CNTRL: variants seen among roughly 807,000 people sequenced by gnomAD.
CNTRL encodes the protein centriolin.
Under a neutral mutation model 303.7 loss-of-function variants are expected in CNTRL, and 233 were observed. That is an observed-to-expected ratio of 0.77 (90% CI 0.69 to 0.86). The LOEUF (loss-of-function observed/expected upper bound fraction) is 0.86, where lower values mean the gene tolerates loss of function less well. CNTRL is among the 40% of genes least tolerant of loss of function. The pLI is 0.00. For missense variants in CNTRL, 2,524 were observed against 2,650.6 expected (o/e 0.95, Z 1.05); for synonymous variants, 900 against 922.2 (o/e 0.98, Z 0.44).
chr9:121,129,070 A>G (rs1214668471), intron 14 of CNTRL, among the ~76,000 whole-genome samples: 1 of 152,224 alleles, frequency 6.6e-6, no homozygotes, highest in Admixed American at 6.5e-5. Context: ...AAAGTCAGGT[A>G]GCGTGATGCC....
In CNTRL at chr9:121,090,334, A is replaced by G. The variant is rs1272992369; in HGVS notation, c.277A>G (p.Lys93Glu). The G allele has an allele frequency of 6.2e-7, 1 of 1,612,644 alleles. No homozygotes were observed. The highest frequency in any genetic ancestry group is 1.3e-5 in the African/African-American group (1 of 74,878). Residue 93 changes from lysine (K) to glutamate (E), a missense_variant, in exon 4 of 44, where the codon AAA (lysine) becomes GAA (glutamate). Transcript: ENST00000373855. Reference protein sequence around the residue: ...ITEALIKKLTKQDNLALIKSL... With the variant: ...ITEALIKKLTEQDNLALIKSL... ...AGAGGCCCTCATTAAAAAACTTACT[A>G]AACAGGATAATTTGGCTTTGATAAA...
At chr9:121,128,333 C>T (rs943587289) in intron 14 of CNTRL, among the ~76,000 whole-genome samples, 1 of 152,150 alleles carries the variant, frequency 6.6e-6, no homozygotes, top group African/African-American at 2.4e-5. Context: ...TAATGATCAC[C>T]ATTCTAACTG....
chr9:121,155,043 C>T lies in CNTRL; in HGVS notation c.4365+130C>T. On this transcript the variant is annotated intron_variant, in intron 27 of 43. Coordinates refer to ENST00000373855, the MANE Select transcript of CNTRL (RefSeq NM_007018.6). ...CCAAGTCAGACAGCCAGGTTCCAGG[C>T]TGGACTCTGCTAGTTAAGAAGATGT... 3.9e-6 allele frequency: 3 copies of T among 763,464 alleles called. No individual in the cohort carries two copies. In the Admixed American group the frequency reaches 6.5e-5, roughly 16 times the overall value. 47.3% of individuals were successfully genotyped at this position (763,464 alleles called of 1,614,324 possible).
Position 121,092,763 on chromosome 9 carries a change from ATATATTATATATATC to A in CNTRL, c.349-2119_349-2105del, listed in dbSNP as rs2048709651. The stretch of plus-strand genomic sequence containing the variant: ...ATATCTATATATAATATATATCTAT[ATATATTATATATATC>A]TATATAGATATGTAATATATATATC... On this transcript the variant is annotated intron_variant, in intron 4 of 43. Transcript: ENST00000373855. Among the ~76,000 whole-genome samples the A allele has an allele frequency of 3.0e-5, 3 of 100,634 alleles. 1 individual carries two copies. The highest frequency in any genetic ancestry group is 1.2e-4 in the African/African-American group (3 of 25,558). 66.0% of individuals were successfully genotyped at this position (100,634 alleles called of 152,430 possible). A position where few individuals can be genotyped will look rare whatever the true frequency, so the allele number is the denominator to read the frequency against.
chr9:121,087,464 G>A (rs899564710), intron 2 of CNTRL, among the ~76,000 whole-genome samples: 1 of 152,100 alleles, frequency 6.6e-6, no homozygotes, highest in African/African-American at 2.4e-5. Flanking sequence ...GCCAAGGCAC[G>A]TGGATCACCT....
intron 5 of CNTRL, 106 bp downstream of exon 5, chr9:121,095,124 G>A (rs2048833674): frequency 1.2e-6 from 1 of 846,650 alleles, no homozygotes; most frequent in Non-Finnish European, 1.8e-6. Flanking sequence ...AGAAACAGAA[G>A]ATATTTTTAT....
In CNTRL at chr9:121,088,529, A is replaced by G. The variant is rs1173107381; in HGVS notation, c.203A>G (p.Tyr68Cys). ...GATGAAAACAATATGCTTTTGGACT[A>G]TCAAGACCATAAAGGTATCACTTTT... is the stretch of plus-strand genomic sequence containing the variant. ...IADENNMLLD[Y>C]QDHKGADSHA... Residue 68 changes from tyrosine (Y) to cysteine (C), a missense_variant, in exon 3 of 44, where the codon TAT becomes TGT. By Grantham distance (194) the Tyr-to-Cys change is radical. Coordinates refer to ENST00000373855, the MANE Select transcript of CNTRL (RefSeq NM_007018.6). The G allele has an allele frequency of 1.2e-6, 2 of 1,600,074 alleles. No homozygotes were observed. Among genetic ancestry groups the G allele is most frequent in the African/African-American group, 2.7e-5 (2 of 74,726 alleles).
chr9:121,136,599 C>T (rs941683983), intron 15 of CNTRL, among the ~76,000 whole-genome samples: 1 of 152,210 alleles, frequency 6.6e-6, no homozygotes, highest in Non-Finnish European at 1.5e-5. Context: ...GCATGGGCCA[C>T]CGTGCCTGGC....
chr9:121,118,757 T>G (rs1426669426), intron 12 of CNTRL, among the ~76,000 whole-genome samples: 1 of 152,194 alleles, frequency 6.6e-6, no homozygotes, highest in Non-Finnish European at 1.5e-5. Flanking sequence ...AAAGGATGGT[T>G]GTGTCTGTAC....
At position 121,080,950 on chromosome 9, in the gene CNTRL, A is replaced by G. The variant is rs968589557; in HGVS notation, c.-32+472A>G. ...TGAAGACCCAAAAAATGCAGAAAAA[A>G]TTATCCGTTTTTATGCTTAGGATTA... On this transcript the variant is annotated intron_variant, in intron 2 of 43. Transcript: ENST00000373855. Among the ~76,000 whole-genome samples, 11 of 152,232 alleles carry G rather than the reference A, an allele frequency of 7.2e-5. No homozygotes were observed. In the East Asian group the frequency reaches 2.1e-3, roughly 29 times the overall value.
In CNTRL at chr9:121,100,121, G is replaced by C. The variant is rs532896336; in HGVS notation, c.808+1549G>C. Among the ~76,000 whole-genome samples, 5 of 152,300 alleles carry C rather than the reference G, an allele frequency of 3.3e-5. No homozygotes were observed. In the South Asian group the frequency reaches 1.0e-3, roughly 32 times the overall value. On this transcript the variant is annotated intron_variant, in intron 7 of 43. Coordinates refer to ENST00000373855, the MANE Select transcript of CNTRL (RefSeq NM_007018.6). ...ACACGTAATTGTCAGATTCATCAAA[G>C]TTGAAATGAAGGAAAAAATGTTAAG...
intron 13 of CNTRL, among the ~76,000 whole-genome samples, chr9:121,124,579 C>T (rs755249192): frequency 2.6e-5 from 4 of 152,130 alleles, no homozygotes; most frequent in Non-Finnish European, 4.4e-5. Context: ...TTGCTACTGT[C>T]AGCTGTGTCG....
At chr9:121,135,074 T>G (rs2051108181) in intron 14 of CNTRL, among the ~76,000 whole-genome samples, 1 of 152,252 alleles carries the variant, frequency 6.6e-6, no homozygotes, top group South Asian at 2.1e-4. Flanking sequence ...TCTGTAATAG[T>G]TTGATCCCAA....
In CNTRL at chr9:121,135,892, T is replaced by C. The variant is rs1001251102; in HGVS notation, c.2112T>C (p.Tyr704=). ...AGACCCAGGGAGATCTCAGTGCCTA[T>C]GAAGCTGAGCTAGAGGCTCGGCTAA... The part of the protein sequence containing the change: ...LQQTQGDLSA[Y]EAELEARLNL... The change falls in exon 15 of 44, where the codon TAT becomes TAC. Residue 704 remains tyrosine, a synonymous_variant. Transcript: ENST00000373855. The C allele has an allele frequency of 3.4e-5, 55 of 1,613,896 alleles. No individual in the cohort carries two copies. The highest frequency in any genetic ancestry group is 4.7e-5 in the Non-Finnish European group (55 of 1,179,966).
chr9:121,169,947 G>T, intron 39 of CNTRL, 131 bp downstream of exon 39: 1 of 744,102 alleles, frequency 1.3e-6, no homozygotes, highest in Non-Finnish European at 2.2e-6. Context: ...TGTTATTGAT[G>T]TATTTATGCA....
chr9:121,120,005 GTC>G (rs913062470), intron 12 of CNTRL, among the ~76,000 whole-genome samples: 10 of 152,140 alleles, frequency 6.6e-5, no homozygotes, highest in African/African-American at 2.4e-4. Flanking sequence ...CCAGGCTCTT[GTC>G]TCTGTCTCTA....
chr9:121,143,866 T>C (rs1340656350), intron 19 of CNTRL, 37 bp from the exon 20 acceptor site: 1 of 1,509,730 alleles, frequency 6.6e-7, no homozygotes, highest in East Asian at 2.3e-5. Flanking sequence ...TCCTGCCAAA[T>C]GATTCATCTG....
At position 121,135,926 on chromosome 9, in the gene CNTRL, G is replaced by C; in HGVS notation, c.2146G>C (p.Asp716His). The C allele has an allele frequency of 6.2e-7, 1 of 1,613,718 alleles. No individual in the cohort carries two copies. The highest frequency in any genetic ancestry group is 8.5e-7 in the Non-Finnish European group (1 of 1,179,692). Residue 716 changes from aspartate (D) to histidine (H), a missense_variant, in exon 15 of 44, where the codon GAT (aspartate) becomes CAT (histidine). Asp to His is a moderately conservative substitution (Grantham distance 81, BLOSUM62 -1). Coordinates refer to ENST00000373855, the MANE Select transcript of CNTRL (RefSeq NM_007018.6). ...AELEARLNLR[D>H]AEANQLKEEL... ...GCTAGAGGCTCGGCTAAACCTAAGG[G>C]ATGCTGAAGCCAACCAGCTCAAGGA...
At chr9:121,087,526 A>C (rs891291109) in intron 2 of CNTRL, among the ~76,000 whole-genome samples, 5 of 152,106 alleles carry the variant, frequency 3.3e-5, no homozygotes, top group African/African-American at 1.2e-4. Context: ...CCCCATCTCT[A>C]CTAAAAGTAC....
Sources: gnomAD v4.1 joint callset for allele counts (sites outside exome capture counted in the v4.1 genomes callset) on GRCh38, gnomAD v4.1.1 for gene constraint, MANE v1.5 for transcripts, NCBI Gene and HGNC (gene_info 2026-07-23, HGNC 2026-07-21) for gene names.